Variants in IL1RL2 observed in about 807,000 individuals in gnomAD.
The protein encoded by IL1RL2 is interleukin 1 receptor like 2, also known as interleukin-1 receptor-like 2.
In IL1RL2, 68 loss-of-function variants were observed where a neutral mutation model predicts 66.8. The ratio of observed to expected loss-of-function variants is 1.02; its 90% CI spans 0.84 to 1.25. The LOEUF (loss-of-function observed/expected upper bound fraction) is 1.25. IL1RL2 is among the 50% of genes most tolerant of loss of function. The probability of loss-of-function intolerance (pLI) is 0.00; values close to 1 mark genes in which losing one functional copy is unlikely to be tolerated. For synonymous variants in IL1RL2, 305 were observed against 264.6 expected, an observed-to-expected ratio of 1.15 and a Z score of -1.48; for missense variants, 729 against 709.3, an observed-to-expected ratio of 1.03 and a Z score of -0.32.
At position 102,239,267 on chromosome 2, in the gene IL1RL2, T is replaced by A; in HGVS notation, c.*26T>A. Reference sequence around the variant, plus strand: ...GACTTGCTGGACTGACACCTATGGCTGGAAGATGACTTGTTTTGCTCCATG... The same window carrying A: ...GACTTGCTGGACTGACACCTATGGCAGGAAGATGACTTGTTTTGCTCCATG... On this transcript the variant is annotated 3_prime_UTR_variant, in exon 12 of 12. Transcript: ENST00000264257. The A allele has an allele frequency of 6.2e-7, 1 of 1,609,778 alleles. No individual in the cohort carries two copies. Among genetic ancestry groups the A allele is most frequent in the South Asian group, 1.1e-5 (1 of 91,000 alleles).
rs200534980 is a variant in IL1RL2, at chr2:102,201,564, C to T, written c.498C>T (p.Asn166=). The change falls in exon 5 of 12, where the codon AAC becomes AAT. Residue 166 remains asparagine, a synonymous_variant. Coordinates refer to ENST00000264257, the MANE Select transcript of IL1RL2 (RefSeq NM_003854.4). ...LGPIKWYKDC[N]EIKGERFTVL... ...GTTTTTATTTGTATTAGGACTGTAA[C>T]GAGATTAAAGGGGAGCGGTTCACTG... The T allele has an allele frequency of 1.3e-4, 205 of 1,613,762 alleles. 1 individual carries two copies. In the Middle Eastern group the frequency reaches 1.3e-3, roughly 10 times the overall value.
intron 6 of IL1RL2, among the ~76,000 whole-genome samples, 177 bp downstream of exon 6, chr2:102,212,351 C>A (rs953983609): frequency 5.9e-5 from 9 of 151,924 alleles, no homozygotes; most frequent in Non-Finnish European, 1.2e-4. Flanking sequence ...ACCAGAGAGC[C>A]GAAGCATGGA....
chr2:102,241,096 C>T (rs915901179), downstream of IL1RL2, among the ~76,000 whole-genome samples: 3 of 152,230 alleles, frequency 2.0e-5, no homozygotes, highest in African/African-American at 7.2e-5. Context: ...AGAATGGAGA[C>T]TTACAGGTGG....
At chr2:102,236,548 T>C (rs1674904779) in intron 11 of IL1RL2, among the ~76,000 whole-genome samples, 1 of 152,250 alleles carries the variant, frequency 6.6e-6, no homozygotes, top group Non-Finnish European at 1.5e-5. Context: ...CCACTCTTTA[T>C]TTAACATTTG....
chr2:102,218,363 C>T (rs1428257756), intron 6 of IL1RL2, among the ~76,000 whole-genome samples: 1 of 152,004 alleles, frequency 6.6e-6, no homozygotes, highest in Non-Finnish European at 1.5e-5. Flanking sequence ...ACAAAGTCCA[C>T]TGAGACTATA....
chr2:102,204,315 G>A (rs543644490), intron 5 of IL1RL2, among the ~76,000 whole-genome samples: 1 of 152,210 alleles, frequency 6.6e-6, no homozygotes, highest in South Asian at 2.1e-4. Flanking sequence ...GTCTGTCCTT[G>A]AGAATGATCC....
intron 4 of IL1RL2, among the ~76,000 whole-genome samples, chr2:102,196,724 G>T (rs1257970109): frequency 6.6e-6 from 1 of 152,188 alleles, no homozygotes; most frequent in Non-Finnish European, 1.5e-5. Flanking sequence ...GTACGGCAAG[G>T]AAGGTCAGTA....
chr2:102,219,850 T>C lies in IL1RL2; in HGVS notation c.855-31T>C, dbSNP rs189291055. 3.2e-6 allele frequency: 5 copies of C among 1,575,632 alleles called. No individual in the cohort carries two copies. In the East Asian group the frequency reaches 6.8e-5, roughly 21 times the overall value. On this transcript the variant is annotated intron_variant, in intron 7 of 11. Transcript: ENST00000264257. ...AAATATGTTGGGTAAATCTGACTCATGTATTAATGACTTACTCTTTTCTTT... is the reference window on the plus strand; with the variant it reads ...AAATATGTTGGGTAAATCTGACTCACGTATTAATGACTTACTCTTTTCTTT...
At chr2:102,200,044 C>A in intron 4 of IL1RL2, among the ~76,000 whole-genome samples, 1 of 148,420 alleles carries the variant, frequency 6.7e-6, no homozygotes, top group South Asian at 2.1e-4. Flanking sequence ...GTAGTCCCAG[C>A]TACTCGGGAG....
Position 102,232,943 on chromosome 2 carries a change from C to A in IL1RL2, c.1136-20C>A, listed in dbSNP as rs1691263108. 6.3e-7 allele frequency: 1 copy of A among 1,598,766 alleles called. No homozygotes were observed. The highest frequency in any genetic ancestry group is 8.6e-7 in the Non-Finnish European group (1 of 1,168,578). Reference sequence around the variant, plus strand: ...AATTTGGTAGCAACAATTCCACAAGCTTGTCCAATTCCTTTTCAGATGGGA... The same window carrying A: ...AATTTGGTAGCAACAATTCCACAAGATTGTCCAATTCCTTTTCAGATGGGA... On this transcript the variant is annotated intron_variant, in intron 9 of 11. Transcript: ENST00000264257.
intron 10 of IL1RL2, among the ~76,000 whole-genome samples, chr2:102,233,665 C>T (rs34188221): frequency 0.16 from 23,692 of 152,008 alleles, 2,298 homozygotes; most frequent in Admixed American, 0.29. Flanking sequence ...CTTCTCTCAA[C>T]CTCAGTTGTC....
At position 102,233,126 on chromosome 2, in the gene IL1RL2, TGGGTTTTAAGTGA is replaced by T. The variant is rs1691288788; in HGVS notation, c.1297+5_1297+17del. 2.5e-6 allele frequency: 4 copies of T among 1,609,422 alleles called. No homozygotes were observed. Among genetic ancestry groups the T allele is most frequent in the African/African-American group, 2.7e-5 (2 of 74,758 alleles). On this transcript the variant is annotated splice_donor_5th_base_variant and intron_variant, in intron 10 of 11. Coordinates refer to ENST00000264257, the MANE Select transcript of IL1RL2 (RefSeq NM_003854.4). The stretch of plus-strand genomic sequence containing the variant: ...GCAGAGATGAATTCCCTGGACAAGG[TGGGTTTTAAGTGA>T]GGTGTAAAAATAACAAATAAAAGAA...
chr2:102,219,102 G>T lies in IL1RL2; in HGVS notation c.854+20G>T. 6.2e-7 allele frequency: 1 copy of T among 1,613,240 alleles called. No homozygotes were observed. Among genetic ancestry groups the T allele is most frequent in the South Asian group, 1.1e-5 (1 of 90,992 alleles). ...GGTGGAGTAGGTGTTTTGCTTTTTTGACTTCTCTAAACGCTAGCAAGGATT... is the reference window on the plus strand; with the variant it reads ...GGTGGAGTAGGTGTTTTGCTTTTTTTACTTCTCTAAACGCTAGCAAGGATT... On this transcript the variant is annotated intron_variant, in intron 7 of 11. Coordinates refer to ENST00000264257, the MANE Select transcript of IL1RL2 (RefSeq NM_003854.4).
At chr2:102,195,382 C>G (rs796720404) in intron 4 of IL1RL2, among the ~76,000 whole-genome samples, 7 of 151,994 alleles carry the variant, frequency 4.6e-5, no homozygotes, top group African/African-American at 1.7e-4. Flanking sequence ...TTTTCTTTTT[C>G]CACTGATTTT....
At chr2:102,238,395 T>C (rs1310280757) in intron 11 of IL1RL2, among the ~76,000 whole-genome samples, 6 of 152,112 alleles carry the variant, frequency 3.9e-5, no homozygotes, top group Admixed American at 3.9e-4. Context: ...AAGATGAAGA[T>C]ATACATGTGA....
At chr2:102,187,525 C>A (rs1395646242) in intron 1 of IL1RL2, among the ~76,000 whole-genome samples, 1 of 152,150 alleles carries the variant, frequency 6.6e-6, no homozygotes, top group Admixed American at 6.5e-5. Context: ...CTGGCCCTCA[C>A]GGGGGCTCTG....
At chr2:102,227,657 GAGA>G (rs921174993) in intron 9 of IL1RL2, among the ~76,000 whole-genome samples, 7 of 152,186 alleles carry the variant, frequency 4.6e-5, no homozygotes, top group Admixed American at 6.5e-5. Context: ...TTGCGTCTTT[GAGA>G]AGAAGACAGT....
At chr2:102,205,167 C>G (rs1441079531) in intron 5 of IL1RL2, among the ~76,000 whole-genome samples, 1 of 151,988 alleles carries the variant, frequency 6.6e-6, no homozygotes, top group Non-Finnish European at 1.5e-5. Context: ...ACTTTATTCC[C>G]CTGCTTTTTA....
At chr2:102,217,503 G>C (rs1284259686) in intron 6 of IL1RL2, among the ~76,000 whole-genome samples, 2 of 152,048 alleles carry the variant, frequency 1.3e-5, no homozygotes, top group African/African-American at 4.8e-5. Context: ...AACAAAGCTG[G>C]AGGTATCACA....
Sources: allele counts gnomAD v4.1 joint callset (sites outside exome capture counted in the v4.1 genomes callset), GRCh38; gene constraint gnomAD v4.1.1; transcripts MANE v1.5; gene names NCBI Gene and HGNC (gene_info 2026-07-23, HGNC 2026-07-21).